The following POLR3B variants were observed in gnomAD, a reference collection of about 807,000 sequenced individuals.
POLR3B encodes the protein RNA polymerase III subunit B, also known as DNA-directed RNA polymerase III subunit RPC2.
In POLR3B, 96 loss-of-function variants were observed where a neutral mutation model predicts 147.4. The observed-to-expected ratio is 0.65, with a 90% CI of 0.55 to 0.77. POLR3B has a LOEUF of 0.77. Among genes scored for constraint, POLR3B ranks in the 30% least tolerant of loss-of-function variants. POLR3B has a pLI of 0.00. For synonymous variants in POLR3B, 461 were observed against 485.9 expected (o/e 0.95, Z 0.67); for missense variants, 1,036 against 1,413.5 (o/e 0.73, Z 4.28).
At chr12:106,505,066 T>C (rs1449430075) in intron 27 of POLR3B, among the ~76,000 whole-genome samples, 2 of 152,220 alleles carry the variant, frequency 1.3e-5, no homozygotes, top group African/African-American at 4.8e-5. Context: ...ATCATGTCAT[T>C]TGTAAAGTTT....
At chr12:106,399,288 AAAG>A (rs1200133889) in intron 10 of POLR3B, among the ~76,000 whole-genome samples, 3 of 152,222 alleles carry the variant, frequency 2.0e-5, no homozygotes, top group South Asian at 2.1e-4. Context: ...AAAAGAATGA[AAAG>A]AAACGAACAA....
rs553875742 is a variant in POLR3B, at chr12:106,421,577, G to A, written c.1102-5620G>A. 4.0e-5 allele frequency among the ~76,000 whole-genome samples: 6 copies of A among 151,818 alleles called. 1 individual carries two copies. In the South Asian group the frequency reaches 1.2e-3, roughly 32 times the overall value. Reference sequence around the variant, plus strand: ...TCCTGTTTTCTTTGCAATGTCTTTTGGGTTGTTCCCATTTTTGTTACTGAT... The same window carrying A: ...TCCTGTTTTCTTTGCAATGTCTTTTAGGTTGTTCCCATTTTTGTTACTGAT... On this transcript the variant is annotated intron_variant, in intron 12 of 27. Transcript: ENST00000228347.
Position 106,437,732 on chromosome 12 carries a change from T to A in POLR3B, c.1908T>A (p.Asn636Lys). The A allele has an allele frequency of 6.2e-7, 1 of 1,604,426 alleles. No homozygotes were observed. Among genetic ancestry groups the A allele is most frequent in the African/African-American group, 1.3e-5 (1 of 74,844 alleles). ...GTCTGGTTGAATATTTAGATGTGAA[T>A]GAAGAAAATGATTGTAACATTGCAC... ...HESLVEYLDV[N>K]EENDCNIALY... is the part of the protein sequence containing the mutation. Residue 636 changes from asparagine (N) to lysine (K), a missense_variant, in exon 18 of 28, where the codon AAT becomes AAA. By Grantham distance (94) the Asn-to-Lys change is moderately conservative. Around this residue, in one of 12 missense-constraint regions of POLR3B, gnomAD observed 177 missense variants for 232.7 expected, o/e 0.76. Coordinates refer to ENST00000228347, the MANE Select transcript of POLR3B (RefSeq NM_018082.6).
intron 11 of POLR3B, among the ~76,000 whole-genome samples, chr12:106,406,849 T>C (rs2037158288): frequency 6.6e-6 from 1 of 152,242 alleles, no homozygotes; most frequent in South Asian, 2.1e-4. Context: ...TGTTAGACTA[T>C]CTTGTTAACT....
intron 12 of POLR3B, among the ~76,000 whole-genome samples, chr12:106,424,641 A>G (rs752100451): frequency 2.3e-4 from 35 of 152,194 alleles, no homozygotes; most frequent in Non-Finnish European, 4.4e-4. Flanking sequence ...GCCTGTTTGC[A>G]GAATAATGAT....
At chr12:106,499,455 T>C (rs977294420) in intron 25 of POLR3B, among the ~76,000 whole-genome samples, 1 of 152,216 alleles carries the variant, frequency 6.6e-6, no homozygotes, top group Non-Finnish European at 1.5e-5. Context: ...AAGCACTGTT[T>C]AGTTGAAAAT....
intron 21 of POLR3B, 66 bp from the exon 22 acceptor site, chr12:106,459,185 A>G: frequency 1.1e-6 from 1 of 917,222 alleles, no homozygotes; most frequent in Non-Finnish European, 1.8e-6. Flanking sequence ...ATCTTTGCCT[A>G]GTTCGTAATC....
intron 4 of POLR3B, among the ~76,000 whole-genome samples, chr12:106,368,407 TA>T (rs1299204888): frequency 6.6e-6 from 1 of 152,100 alleles, no homozygotes; most frequent in Non-Finnish European, 1.5e-5. Flanking sequence ...TTACATATAT[TA>T]AAAACCATGC....
In POLR3B at chr12:106,509,468, G is replaced by A. The variant is rs113017214; in HGVS notation, c.3321G>A (p.Pro1107=). ...SSCHVSSLRI[P]YACKLLFQEL... ...GCCACGTGTCTTCCCTCCGTATTCCGTATGCCTGCAAGCTGCTCTTCCAGG... is the reference window on the plus strand; with the variant it reads ...GCCACGTGTCTTCCCTCCGTATTCCATATGCCTGCAAGCTGCTCTTCCAGG... Residue 1107 remains proline, a synonymous_variant, in exon 28 of 28, where the codon CCG becomes CCA. Transcript: ENST00000228347. 3.8e-5 allele frequency: 62 copies of A among 1,613,326 alleles called. 1 individual carries two copies. Among genetic ancestry groups the A allele is most frequent in the Admixed American group, 2.0e-4 (12 of 59,990 alleles).
chr12:106,413,370 A>G (rs541715694), intron 12 of POLR3B, among the ~76,000 whole-genome samples: 29 of 152,174 alleles, frequency 1.9e-4, no homozygotes, highest in African/African-American at 6.0e-4. Flanking sequence ...ATCTCCCATC[A>G]TTTACTAGTT....
Position 106,407,326 on chromosome 12 carries a change from A to G in POLR3B, c.966+1350A>G, listed in dbSNP as rs1323215642. On this transcript the variant is annotated intron_variant, in intron 11 of 27. Coordinates refer to ENST00000228347, the MANE Select transcript of POLR3B (RefSeq NM_018082.6). ...AACTTTTCTAAGCTTCAGTTTTCTC[A>G]TCTTTTTAATAAAAGTAATTCCACT... Among the ~76,000 whole-genome samples the G allele has an allele frequency of 3.3e-5, 5 of 152,318 alleles. No individual in the cohort carries two copies. The South Asian group carries it at 6.2e-4, about 19-fold the overall frequency.
intron 12 of POLR3B, among the ~76,000 whole-genome samples, chr12:106,416,622 G>C (rs1419576362): frequency 6.6e-6 from 1 of 152,156 alleles, no homozygotes; most frequent in Non-Finnish European, 1.5e-5. Flanking sequence ...CTCTCAGTTG[G>C]AATCCCAATA....
chr12:106,358,185 C>T (rs2036416643), intron 1 of POLR3B: 13 of 1,430,862 alleles, frequency 9.1e-6, no homozygotes, highest in Admixed American at 2.8e-5. Flanking sequence ...CCGAGAAGCC[C>T]CGCTGCTGGC....
intron 19 of POLR3B, among the ~76,000 whole-genome samples, chr12:106,450,192 G>T (rs530117322): frequency 6.6e-6 from 1 of 152,214 alleles, no homozygotes; most frequent in East Asian, 1.9e-4. Context: ...TGGAAAAAAG[G>T]AACATTAGCT....
chr12:106,369,117 C>T (rs2036569983), intron 4 of POLR3B, among the ~76,000 whole-genome samples, 158 bp from the exon 5 acceptor site: 1 of 152,154 alleles, frequency 6.6e-6, no homozygotes, highest in Non-Finnish European at 1.5e-5. Context: ...TATGTACTAT[C>T]ACTTCAAGAA....
intron 16 of POLR3B, 76 bp from the exon 17 acceptor site, chr12:106,436,981 C>A: frequency 9.1e-7 from 1 of 1,096,346 alleles, no homozygotes; most frequent in Non-Finnish European, 1.4e-6. Flanking sequence ...TCCCTCATCT[C>A]ACTTTGGTAA....
intron 9 of POLR3B, among the ~76,000 whole-genome samples, chr12:106,385,723 C>G (rs1006620918): frequency 6.6e-6 from 1 of 152,120 alleles, no homozygotes; most frequent in African/African-American, 2.4e-5. Flanking sequence ...ATTGACAAGT[C>G]AGGTTCTTTA....
intron 23 of POLR3B, among the ~76,000 whole-genome samples, chr12:106,472,270 C>A (rs2038104274): frequency 6.6e-6 from 1 of 150,842 alleles, no homozygotes; most frequent in South Asian, 2.1e-4. Flanking sequence ...CATTGTTGGA[C>A]ATTTGGGTTG....
At chr12:106,505,602 C>T (rs2137091104) in intron 27 of POLR3B, among the ~76,000 whole-genome samples, 1 of 152,198 alleles carries the variant, frequency 6.6e-6, no homozygotes, top group Middle Eastern at 3.4e-3. Context: ...ACTTACTTTT[C>T]AAGCAGAGGC....
Sources: gnomAD v4.1 joint callset for allele counts (sites outside exome capture counted in the v4.1 genomes callset) on GRCh38, gnomAD v4.1.1 for gene constraint, gnomAD v4.1.1 regional missense constraint, MANE v1.5 for transcripts, NCBI Gene and HGNC (gene_info 2026-07-23, HGNC 2026-07-21) for gene names.